TMEM192: variants seen among roughly 807,000 people sequenced by gnomAD.
The protein encoded by TMEM192 is transmembrane protein 192.
A neutral mutation model predicts 26.7 loss-of-function variants in TMEM192; 20 were observed. The ratio of observed to expected loss-of-function variants is 0.75; its 90% CI spans 0.53 to 1.09. The LOEUF is 1.09. Ranked by LOEUF, TMEM192 falls within the 50% of genes least tolerant of loss-of-function variation. The pLI is 0.00. For synonymous variants in TMEM192, 124 were observed against 121.0 expected, an observed-to-expected ratio of 1.02 and a Z score of -0.16; for missense variants, 304 against 322.6, an observed-to-expected ratio of 0.94 and a Z score of 0.44.
In TMEM192 at chr4:165,088,592, C is replaced by T. The variant is rs768985914; in HGVS notation, c.450G>A (p.Val150=). 1.2e-6 allele frequency: 2 copies of T among 1,611,300 alleles called. No individual in the cohort carries two copies. Among genetic ancestry groups the T allele is most frequent in the South Asian group, 1.1e-5 (1 of 90,510 alleles). ...ALMIQSSGNT[V]LLLILCMQHS... is the part of the protein sequence containing the mutation. Reference sequence around the variant, plus strand: ...GCTGCATGCACAGTATGAGGAGAAGCACTGTGTTGCCTGAGGAGGAGAAAC... The same window carrying T: ...GCTGCATGCACAGTATGAGGAGAAGTACTGTGTTGCCTGAGGAGGAGAAAC... Residue 150 remains valine, a synonymous_variant, in exon 4 of 6, where the codon GTG becomes GTA. Coordinates refer to ENST00000306480, the MANE Select transcript of TMEM192 (RefSeq NM_001100389.2).
Position 165,070,888 on chromosome 4 carries a change from T to C in TMEM192, c.*8770A>G, listed in dbSNP as rs1316084282. 1 of 152,234 alleles carries C rather than the reference T, an allele frequency of 6.6e-6. No homozygotes were observed. Among genetic ancestry groups the C allele is most frequent in the Non-Finnish European group, 1.5e-5 (1 of 68,040 alleles). 9.4% of individuals were successfully genotyped at this position (152,234 alleles called of 1,614,324 possible). On this transcript the variant is annotated 3_prime_UTR_variant, in exon 6 of 6. Coordinates refer to ENST00000306480, the MANE Select transcript of TMEM192 (RefSeq NM_001100389.2). Reference sequence around the variant, plus strand: ...CTACTTTGTGCCAGACACTGTTCTATGTATGAAGGACACAGTAGTAAGCAA... The same window carrying C: ...CTACTTTGTGCCAGACACTGTTCTACGTATGAAGGACACAGTAGTAAGCAA...
At chr4:165,112,052 C>A (rs772153485) in intron 1 of TMEM192, among the ~76,000 whole-genome samples, 1 of 152,242 alleles carries the variant, frequency 6.6e-6, no homozygotes, top group Non-Finnish European at 1.5e-5. Flanking sequence ...GTACTATACA[C>A]GCTGTAAACT....
intron 3 of TMEM192, among the ~76,000 whole-genome samples, chr4:165,091,398 ACTAT>A (rs913491867): frequency 6.6e-6 from 1 of 152,178 alleles, no homozygotes; most frequent in African/African-American, 2.4e-5. Flanking sequence ...GGGATCTAAG[ACTAT>A]CTGAGGATAG....
intron 3 of TMEM192, among the ~76,000 whole-genome samples, chr4:165,091,071 C>T (rs1212413144): frequency 1.3e-5 from 2 of 151,896 alleles, no homozygotes; most frequent in East Asian, 3.9e-4. Flanking sequence ...TGAGACCATC[C>T]TGGCTAACAC....
At chr4:165,090,692 G>A (rs1039271769) in intron 3 of TMEM192, among the ~76,000 whole-genome samples, 1 of 151,572 alleles carries the variant, frequency 6.6e-6, no homozygotes, top group African/African-American at 2.4e-5. Context: ...ATCACTTGAG[G>A]TCAGGAGTTC....
In TMEM192 at chr4:165,112,736, C is replaced by G; in HGVS notation, c.27+11G>C. The G allele has an allele frequency of 6.2e-7, 1 of 1,609,278 alleles. No individual in the cohort carries two copies. The highest frequency in any genetic ancestry group is 1.7e-5 in the Admixed American group (1 of 59,974). Reference sequence around the variant, plus strand: ...TCCGGGGCCAACCGCCCGCCGCCTCCGTGCACTCACGTCCTCCATCCTGCC... The same window carrying G: ...TCCGGGGCCAACCGCCCGCCGCCTCGGTGCACTCACGTCCTCCATCCTGCC... On this transcript the variant is annotated intron_variant, in intron 1 of 5. Coordinates refer to ENST00000306480, the MANE Select transcript of TMEM192 (RefSeq NM_001100389.2).
intron 3 of TMEM192, among the ~76,000 whole-genome samples, chr4:165,093,651 C>G (rs1468722012): frequency 1.3e-5 from 2 of 152,228 alleles, no homozygotes; most frequent in African/African-American, 4.8e-5. Flanking sequence ...CACTTCACCT[C>G]TGGGTTACCA....
chr4:165,085,050 G>A (rs1285645784), intron 5 of TMEM192, among the ~76,000 whole-genome samples: 5 of 151,994 alleles, frequency 3.3e-5, no homozygotes, highest in Non-Finnish European at 5.9e-5. Context: ...TGAGGCGGGC[G>A]GATCACCTGA....
At chr4:165,102,705 C>T (rs6823514) in intron 2 of TMEM192, among the ~76,000 whole-genome samples, 6,188 of 151,314 alleles carry the variant, frequency 0.041, 420 homozygotes, top group African/African-American at 0.14. Context: ...GACAACATGG[C>T]TATTATCAAC....
Position 165,105,906 on chromosome 4 carries a change from C to T in TMEM192, c.28-2810G>A, listed in dbSNP as rs562282089. ...TAATTAAGCCATGAGGGTTCCCCCC[C>T]TCATAAATGAGATCAGTGCCCTTAT... On this transcript the variant is annotated intron_variant, in intron 1 of 5. Coordinates refer to ENST00000306480, the MANE Select transcript of TMEM192 (RefSeq NM_001100389.2). Among the ~76,000 whole-genome samples, 513 of 152,312 alleles carry T rather than the reference C, an allele frequency of 3.4e-3. 4 individuals carry two copies. The highest frequency in any genetic ancestry group is 0.012 in the African/African-American group (488 of 41,574).
At chr4:165,103,607 C>G (rs903128631) in intron 1 of TMEM192, among the ~76,000 whole-genome samples, 1 of 122,644 alleles carries the variant, frequency 8.2e-6, no homozygotes, top group Non-Finnish European at 1.9e-5. Context: ...CTCCACCTCC[C>G]GGGTTCCAGC....
intron 5 of TMEM192, 119 bp from the exon 6 acceptor site, chr4:165,079,915 A>G: frequency 1.1e-6 from 1 of 897,558 alleles, no homozygotes; most frequent in African/African-American, 1.7e-5. Flanking sequence ...CTTTTCTTAG[A>G]TGTCAGAAGC....
chr4:165,098,798 A>G (rs1200069993), intron 3 of TMEM192, among the ~76,000 whole-genome samples: 1 of 151,512 alleles, frequency 6.6e-6, no homozygotes, highest in Non-Finnish European at 1.5e-5. Flanking sequence ...CCCAGGTTCA[A>G]GCGATTCTCC....
chr4:165,081,407 G>A (rs1403296501), intron 5 of TMEM192, among the ~76,000 whole-genome samples: 2 of 145,866 alleles, frequency 1.4e-5, no homozygotes, highest in Non-Finnish European at 3.0e-5. Context: ...TTTTTGAGAC[G>A]GAAACTTGCT....
At chr4:165,094,257 GA>G (rs1296162159) in intron 3 of TMEM192, among the ~76,000 whole-genome samples, 1 of 151,954 alleles carries the variant, frequency 6.6e-6, no homozygotes, top group African/African-American at 2.4e-5. Flanking sequence ...AGCTGGTCTG[GA>G]ACTCCTGGCC....
chr4:165,101,045 C>T (rs1469678058), intron 2 of TMEM192, among the ~76,000 whole-genome samples, 153 bp from the exon 3 acceptor site: 3 of 143,322 alleles, frequency 2.1e-5, no homozygotes, highest in Non-Finnish European at 4.5e-5. Context: ...GGCGCAATCT[C>T]GGCTTACTGC....
In TMEM192 at chr4:165,103,003, G is replaced by C; in HGVS notation, c.121C>G (p.Arg41Gly). 2 of 1,613,280 alleles carry C rather than the reference G, an allele frequency of 1.2e-6. No individual in the cohort carries two copies. The highest frequency in any genetic ancestry group is 1.7e-6 in the Non-Finnish European group (2 of 1,179,684). Residue 41 changes from arginine to glycine, a missense_variant, in exon 2 of 6, where the codon CGA becomes GGA. Coordinates refer to ENST00000306480, the MANE Select transcript of TMEM192 (RefSeq NM_001100389.2). ...ATGACTGTAGGAAGAGGATGGAATC[G>C]GGGTCTAAAGTGAGCTTGTAATGAG... ...HHSLQAHFRPRFHPLPTVIIV... is the reference protein window; with the variant it reads ...HHSLQAHFRPGFHPLPTVIIV...
chr4:165,111,796 A>G (rs1313190165), intron 1 of TMEM192: 1 of 152,230 alleles, frequency 6.6e-6, no homozygotes, highest in Non-Finnish European at 1.5e-5. Flanking sequence ...GAACTGTTTC[A>G]TGTTTCTCTT....
intron 4 of TMEM192, among the ~76,000 whole-genome samples, chr4:165,086,606 G>A (rs1297663790): frequency 1.3e-5 from 2 of 151,900 alleles, no homozygotes; most frequent in East Asian, 3.9e-4. Flanking sequence ...TGTATTTTCA[G>A]TAGAGACGGT....
Sources: gnomAD v4.1 joint callset for allele counts (sites outside exome capture counted in the v4.1 genomes callset) on GRCh38, gnomAD v4.1.1 for gene constraint, MANE v1.5 for transcripts, NCBI Gene and HGNC (gene_info 2026-07-23, HGNC 2026-07-21) for gene names.